Variants in ROBO1 observed in about 807,000 individuals in gnomAD.
ROBO1 encodes the protein roundabout homolog 1.
Under a neutral mutation model 195.9 loss-of-function variants are expected in ROBO1, and 149 were observed. The ratio of observed to expected loss-of-function variants is 0.76; its 90% confidence interval spans 0.67 to 0.87. The LOEUF is 0.87. Ranked by LOEUF, ROBO1 falls within the 40% of genes least tolerant of loss-of-function variation. The probability of loss-of-function intolerance (pLI) is 0.00; values close to 1 mark genes in which losing one functional copy is unlikely to be tolerated. For synonymous variants in ROBO1, 816 were observed against 733.2 expected (o/e 1.11, Z -1.82); for missense variants, 1,933 against 2,068.3 (o/e 0.93, Z 1.27).
chr3:78,661,948 C>T (rs773074311), intron 15 of ROBO1, 45 bp downstream of exon 15: 30 of 1,586,114 alleles, frequency 1.9e-5, no homozygotes, highest in African/African-American at 2.7e-5. Flanking sequence ...GCAATGATCT[C>T]GCAGACGCTT....
chr3:78,636,580 A>G (rs1305950954), intron 22 of ROBO1, among the ~76,000 whole-genome samples: 2 of 152,100 alleles, frequency 1.3e-5, no homozygotes, highest in Non-Finnish European at 2.9e-5. Context: ...AGAACTTGAG[A>G]TTTTGGTATT....
At chr3:79,186,483 A>G (rs2081441220) in intron 2 of ROBO1, among the ~76,000 whole-genome samples, 1 of 151,982 alleles carries the variant, frequency 6.6e-6, no homozygotes, top group Admixed American at 6.6e-5. Context: ...CATCTTCACT[A>G]TTGCATAGTT....
rs1008242811 is a variant in ROBO1, at chr3:78,854,606, T to A, written c.499+83995A>T. Among the ~76,000 whole-genome samples, 60 of 151,930 alleles carry A rather than the reference T, an allele frequency of 3.9e-4. 3 individuals carry two copies. The highest frequency in any genetic ancestry group is 2.9e-5 in the Non-Finnish European group (2 of 67,960). On this transcript the variant is annotated intron_variant, in intron 4 of 30. Transcript: ENST00000464233. ...TTTATTCATGTCTCTATTCTATGAT[T>A]TTCTTGAAAAAGCATGTATTAGTTT...
chr3:79,188,671 T>A (rs576949418), intron 2 of ROBO1, among the ~76,000 whole-genome samples: 1 of 151,670 alleles, frequency 6.6e-6, no homozygotes, highest in East Asian at 2.0e-4. Flanking sequence ...AACCAATACA[T>A]TTCATGGAAG....
Position 78,598,730 on chromosome 3 carries a change from A to C in ROBO1, c.*183T>G. 2.3e-6 allele frequency: 1 copy of C among 427,646 alleles called. No individual in the cohort carries two copies. The highest frequency in any genetic ancestry group is 6.0e-5 in the South Asian group (1 of 16,774). 26.5% of individuals were successfully genotyped at this position (427,646 alleles called of 1,614,324 possible). A position where few individuals can be genotyped will look rare whatever the true frequency, so the allele number is the denominator to read the frequency against. ...AGGAAGGCTCTTTGTAGGGTTAGGG[A>C]TCAAACAACAACAATAAAAACCCAA... On this transcript the variant is annotated 3_prime_UTR_variant, in exon 31 of 31. Transcript: ENST00000464233.
intron 2 of ROBO1, among the ~76,000 whole-genome samples, chr3:79,463,283 G>A (rs901505236): frequency 6.6e-6 from 1 of 151,928 alleles, no homozygotes; most frequent in Non-Finnish European, 1.5e-5. Context: ...GCTGAGGCAG[G>A]AGAATGGCGT....
intron 2 of ROBO1, among the ~76,000 whole-genome samples, chr3:79,307,063 G>A (rs1378712983): frequency 1.4e-5 from 2 of 145,180 alleles, no homozygotes; most frequent in African/African-American, 5.1e-5. Flanking sequence ...AGTTCTTCAG[G>A]AAAAGAAGGG....
intron 3 of ROBO1, among the ~76,000 whole-genome samples, chr3:78,977,628 T>C (rs1576501315): frequency 1.3e-5 from 2 of 151,046 alleles, no homozygotes; most frequent in Admixed American, 1.3e-4. Flanking sequence ...AAAAGATTAT[T>C]CCGTAAGCTA....
At chr3:78,639,571 G>A (rs1206911296) in intron 22 of ROBO1, among the ~76,000 whole-genome samples, 173 bp downstream of exon 22, 1 of 152,246 alleles carries the variant, frequency 6.6e-6, no homozygotes, top group Admixed American at 6.5e-5. Flanking sequence ...AAAGTATGGA[G>A]GTTAAGGGAT....
At chr3:78,986,102 G>A (rs933785414) in intron 3 of ROBO1, among the ~76,000 whole-genome samples, 1 of 152,182 alleles carries the variant, frequency 6.6e-6, no homozygotes, top group African/African-American at 2.4e-5. Context: ...GAAGAAGGGT[G>A]TAATCAGAGG....
At chr3:78,727,495 G>A (rs1235690867) in intron 5 of ROBO1, among the ~76,000 whole-genome samples, 8 of 152,062 alleles carry the variant, frequency 5.3e-5, no homozygotes, top group Admixed American at 2.6e-4. Context: ...GCGTGGTGGC[G>A]GCACCTGTAG....
At chr3:79,453,928 C>T (rs2039528717) in intron 2 of ROBO1, among the ~76,000 whole-genome samples, 1 of 152,004 alleles carries the variant, frequency 6.6e-6, no homozygotes. Flanking sequence ...AGTGTTGATT[C>T]CAGGTGCTGA....
chr3:79,604,968 T>A (rs1297391763), intron 1 of ROBO1, among the ~76,000 whole-genome samples: 1 of 152,016 alleles, frequency 6.6e-6, no homozygotes, highest in Non-Finnish European at 1.5e-5. Context: ...GTTACAGGTA[T>A]TCCTTAAGAA....
chr3:78,694,822 G>A (rs780622132), intron 8 of ROBO1, among the ~76,000 whole-genome samples: 13 of 152,100 alleles, frequency 8.5e-5, no homozygotes, highest in East Asian at 1.9e-4. Flanking sequence ...TAGGATTACC[G>A]TTTGGATTAA....
chr3:79,716,738 T>C (rs1454341736), intron 1 of ROBO1, among the ~76,000 whole-genome samples: 1 of 151,812 alleles, frequency 6.6e-6, no homozygotes, highest in African/African-American at 2.4e-5. Context: ...GCAGGTGAAA[T>C]TGATAAACCA....
chr3:79,287,696 C>T (rs2109018943), intron 2 of ROBO1, among the ~76,000 whole-genome samples: 1 of 152,220 alleles, frequency 6.6e-6, no homozygotes, highest in Admixed American at 6.5e-5. Context: ...TCCTTACTTG[C>T]TTCAGTTTTC....
chr3:78,635,458 C>T (rs896294668), intron 23 of ROBO1, among the ~76,000 whole-genome samples: 2 of 152,182 alleles, frequency 1.3e-5, no homozygotes, highest in Admixed American at 6.5e-5. Flanking sequence ...ATTGAAAATG[C>T]GAGGTATTGT....
chr3:79,477,900 T>C (rs1392351936), intron 2 of ROBO1, among the ~76,000 whole-genome samples: 2 of 152,334 alleles, frequency 1.3e-5, no homozygotes, highest in African/African-American at 2.4e-5. Context: ...CAAAGGCCTA[T>C]GCATGCTTTT....
intron 4 of ROBO1, among the ~76,000 whole-genome samples, chr3:78,877,049 T>C (rs2035894165): frequency 6.6e-6 from 1 of 152,134 alleles, no homozygotes; most frequent in African/African-American, 2.4e-5. Flanking sequence ...TTATCGCTGC[T>C]AGATCCAGCG....
Sources: allele counts gnomAD v4.1 joint callset (sites outside exome capture counted in the v4.1 genomes callset), GRCh38; gene constraint gnomAD v4.1.1; transcripts MANE v1.5; gene names NCBI Gene and HGNC (gene_info 2026-07-23, HGNC 2026-07-21).